The following DNAH6 variants were observed in gnomAD, a reference collection of about 807,000 sequenced individuals.
The protein encoded by DNAH6 is axonemal beta dynein heavy chain 6.
In DNAH6, 340 loss-of-function variants were observed where a neutral mutation model predicts 491.4. That is an observed-to-expected ratio of 0.69 (90% CI 0.63 to 0.76). DNAH6 has a LOEUF of 0.76. Ranked by LOEUF, DNAH6 falls within the 30% of genes least tolerant of loss-of-function variation. The pLI, the probability that DNAH6 is intolerant of heterozygous loss-of-function variation, is 0.00. For missense variants in DNAH6, 4,443 were observed against 4,972.2 expected, an observed-to-expected ratio of 0.89 and a Z score of 3.20; for synonymous variants, 1,603 against 1,686.1, an observed-to-expected ratio of 0.95 and a Z score of 1.21.
chr2:84,608,725 A>C (rs1420327829), intron 21 of DNAH6, among the ~76,000 whole-genome samples: 1 of 152,192 alleles, frequency 6.6e-6, no homozygotes, highest in Non-Finnish European at 1.5e-5. Context: ...GATTTTTTGA[A>C]TGGTAAATGA....
chr2:84,794,006 C>T (rs1210884686), intron 68 of DNAH6, among the ~76,000 whole-genome samples: 3 of 152,040 alleles, frequency 2.0e-5, no homozygotes, highest in East Asian at 1.9e-4. Context: ...AGAACAGAGC[C>T]CTCAGAAATA....
intron 49 of DNAH6, among the ~76,000 whole-genome samples, chr2:84,702,484 A>G (rs1696005098): frequency 1.3e-5 from 2 of 151,752 alleles, no homozygotes; most frequent in African/African-American, 4.8e-5. Flanking sequence ...ACCTGGTTAA[A>G]TGCCTGCCTT....
chr2:84,778,193 T>G (rs1233254445), intron 64 of DNAH6: 1 of 699,220 alleles, frequency 1.4e-6, no homozygotes, highest in African/African-American at 1.8e-5. Context: ...TGTAGAAGAT[T>G]ATGAATCAGC....
chr2:84,595,883 G>C (rs929221677), intron 18 of DNAH6, 94 bp downstream of exon 18: 2 of 1,280,142 alleles, frequency 1.6e-6, no homozygotes, highest in Non-Finnish European at 2.1e-6. Flanking sequence ...CCCTGATTAA[G>C]TTAGTCAGCT....
chr2:84,754,571 T>C (rs1311369106), intron 63 of DNAH6, among the ~76,000 whole-genome samples: 1 of 152,238 alleles, frequency 6.6e-6, no homozygotes, highest in Non-Finnish European at 1.5e-5. Context: ...TCTGGCAGCC[T>C]TGCTGAAAAT....
chr2:84,641,213 TC>T (rs2104502815), intron 32 of DNAH6, among the ~76,000 whole-genome samples: 1 of 152,272 alleles, frequency 6.6e-6, no homozygotes, highest in South Asian at 2.1e-4. Flanking sequence ...CTCTAGTCCT[TC>T]CTCTCAGGCC....
chr2:84,617,722 A>C (rs1427361445), intron 23 of DNAH6, among the ~76,000 whole-genome samples: 1 of 151,950 alleles, frequency 6.6e-6, no homozygotes, highest in Non-Finnish European at 1.5e-5. Flanking sequence ...GTGCACAAAC[A>C]TGTGTGTAAA....
At chr2:84,464,186 C>T in the DNAH6 span, among the ~76,000 whole-genome samples, 1 of 152,206 alleles carries the variant, frequency 6.6e-6, no homozygotes, top group Non-Finnish European at 1.5e-5. Flanking sequence ...TTTACTCCTA[C>T]TTTGAAGGCC....
intron 35 of DNAH6, 75 bp downstream of exon 35, chr2:84,654,857 T>G: frequency 6.8e-7 from 1 of 1,479,736 alleles, no homozygotes. Flanking sequence ...CAAATAACAA[T>G]AGGTTAAGGA....
chr2:84,461,633 A>T, the DNAH6 span, among the ~76,000 whole-genome samples: 2 of 152,250 alleles, frequency 1.3e-5, no homozygotes, highest in African/African-American at 2.4e-5. Flanking sequence ...TAATACATTT[A>T]GTATATAAAG....
chr2:84,649,151 G>C (rs530149696), intron 33 of DNAH6, among the ~76,000 whole-genome samples: 1 of 152,296 alleles, frequency 6.6e-6, no homozygotes, highest in African/African-American at 2.4e-5. Flanking sequence ...GCTATTGCAT[G>C]CTTAAATGAC....
chr2:84,542,797 C>T (rs1018770954), intron 4 of DNAH6, among the ~76,000 whole-genome samples: 16 of 152,272 alleles, frequency 1.1e-4, no homozygotes, highest in South Asian at 4.1e-4. Context: ...AAAAACTTAT[C>T]GTACATATAT....
At chr2:84,643,572 C>T (rs536076162) in intron 33 of DNAH6, among the ~76,000 whole-genome samples, 5 of 152,198 alleles carry the variant, frequency 3.3e-5, no homozygotes, top group African/African-American at 1.2e-4. Context: ...TCTTTATTCT[C>T]TTTACTTTTC....
At chr2:84,752,784 T>G (rs75394965) in intron 63 of DNAH6, among the ~76,000 whole-genome samples, 6 of 152,188 alleles carry the variant, frequency 3.9e-5, no homozygotes, top group Admixed American at 2.6e-4. Context: ...ATTGCGTGGA[T>G]ATGCCACATT....
intron 11 of DNAH6, among the ~76,000 whole-genome samples, chr2:84,571,229 A>G (rs1479671926): frequency 2.0e-5 from 3 of 152,118 alleles, no homozygotes; most frequent in Non-Finnish European, 4.4e-5. Context: ...AAAATTCACT[A>G]CAGAAGCCAT....
At chr2:84,738,686 A>T (rs1184497480) in intron 62 of DNAH6, among the ~76,000 whole-genome samples, 1 of 152,110 alleles carries the variant, frequency 6.6e-6, no homozygotes, top group Non-Finnish European at 1.5e-5. Flanking sequence ...GTTGCGTGAC[A>T]TATCTTTCTC....
At chr2:84,762,453 T>G (rs1194443962) in intron 63 of DNAH6, among the ~76,000 whole-genome samples, 1 of 152,050 alleles carries the variant, frequency 6.6e-6, no homozygotes, top group Non-Finnish European at 1.5e-5. Context: ...CACAAGAATG[T>G]GAAACAGGAC....
At chr2:84,652,794 C>T (rs1690577578) in intron 33 of DNAH6, among the ~76,000 whole-genome samples, 1 of 152,002 alleles carries the variant, frequency 6.6e-6, no homozygotes, top group African/African-American at 2.4e-5. Context: ...GAAATAGTCA[C>T]ATTTTTCCTT....
intron 68 of DNAH6, among the ~76,000 whole-genome samples, chr2:84,789,934 A>G (rs1456975825): frequency 2.0e-5 from 3 of 152,238 alleles, no homozygotes; most frequent in Non-Finnish European, 2.9e-5. Flanking sequence ...CTGCATTGAC[A>G]TGGTTAAACT....
Sources: gnomAD v4.1 joint callset for allele counts (sites outside exome capture counted in the v4.1 genomes callset) on GRCh38, gnomAD v4.1.1 for gene constraint, MANE v1.5 for transcripts, NCBI Gene and HGNC (gene_info 2026-07-23, HGNC 2026-07-21) for gene names.